TRIP12: variants seen among roughly 807,000 people sequenced by gnomAD.
The protein encoded by TRIP12 is thyroid hormone receptor interactor 12.
In TRIP12, 25 loss-of-function variants were observed where a neutral mutation model predicts 244.2. The observed-to-expected ratio is 0.10, with a 90% CI of 0.07 to 0.14. The LOEUF is 0.14. TRIP12 is among the 10% of genes least tolerant of loss of function. The pLI is 1.00. For missense variants in TRIP12, 1,677 were observed against 2,486.4 expected, an observed-to-expected ratio of 0.67 and a Z score of 6.92; for synonymous variants, 905 against 873.1, an observed-to-expected ratio of 1.04 and a Z score of -0.64.
intron 38 of TRIP12, among the ~76,000 whole-genome samples, chr2:229,772,024 T>C (rs892826767): frequency 1.3e-5 from 2 of 152,216 alleles, no homozygotes; most frequent in Non-Finnish European, 2.9e-5. Flanking sequence ...CTATTAAGGG[T>C]TTTTAATTTT....
intron 9 of TRIP12, among the ~76,000 whole-genome samples, chr2:229,817,566 G>T (rs1437679116): frequency 7.2e-5 from 11 of 152,196 alleles, no homozygotes; most frequent in South Asian, 6.2e-4. Flanking sequence ...GCATTAAAAA[G>T]ATTTTTTAAA....
At position 229,792,865 on chromosome 2, in the gene TRIP12, T is replaced by C. The variant is rs923459790; in HGVS notation, c.4141+108A>G. 8 of 1,214,558 alleles carry C rather than the reference T, an allele frequency of 6.6e-6. No homozygotes were observed. In the South Asian group the frequency reaches 9.5e-5, roughly 14 times the overall value. The allele number at this position is 1,214,558 out of a possible 1,614,324, so 75.2% of individuals were successfully genotyped here. ...CAGGAATATAAGTTCCTGCCATCTA[T>C]TTTTTAACAGAAACAACATTAAACA... On this transcript the variant is annotated intron_variant, in intron 27 of 41. Coordinates refer to ENST00000675903, the MANE Select transcript of TRIP12 (RefSeq NM_001348323.3).
intron 33 of TRIP12, among the ~76,000 whole-genome samples, chr2:229,786,966 G>A (rs1048492146): frequency 6.6e-6 from 1 of 152,192 alleles, no homozygotes; most frequent in Non-Finnish European, 1.5e-5. Context: ...ACTGGAAATG[G>A]CTCAGGGCCC....
chr2:229,887,252 G>A (rs2066222951), intron 1 of TRIP12, among the ~76,000 whole-genome samples: 1 of 152,294 alleles, frequency 6.6e-6, no homozygotes, highest in Non-Finnish European at 1.5e-5. Context: ...AAGATCAAAT[G>A]TACTACTCTA....
chr2:229,848,378 C>T (rs2058020949), intron 4 of TRIP12, among the ~76,000 whole-genome samples: 1 of 133,022 alleles, frequency 7.5e-6, no homozygotes, highest in Non-Finnish European at 1.5e-5. Context: ...GAAAACTCAC[C>T]ATTAATGTCA....
chr2:229,905,556 T>C (rs1320460733), intron 1 of TRIP12, among the ~76,000 whole-genome samples: 1 of 152,146 alleles, frequency 6.6e-6, no homozygotes, highest in African/African-American at 2.4e-5. Flanking sequence ...TCTTCAAAAA[T>C]AACAAAAGCA....
At chr2:229,911,006 G>A (rs1388397276) in intron 1 of TRIP12, among the ~76,000 whole-genome samples, 1 of 152,180 alleles carries the variant, frequency 6.6e-6, no homozygotes, top group Non-Finnish European at 1.5e-5. Context: ...GTAGAGAGCA[G>A]GGTCAAATTC....
At chr2:229,830,625 T>G in intron 7 of TRIP12, 131 bp downstream of exon 7, 2 of 720,824 alleles carry the variant, frequency 2.8e-6, no homozygotes, top group South Asian at 3.2e-5. Flanking sequence ...ACTAAAAATT[T>G]TTTTTTCTTG....
chr2:229,804,368 T>A, intron 18 of TRIP12, 141 bp from the exon 19 acceptor site: 1 of 683,998 alleles, frequency 1.5e-6, no homozygotes, highest in Non-Finnish European at 2.4e-6. Context: ...TGAACTTCTA[T>A]GATATGATCA....
intron 40 of TRIP12, 40 bp from the exon 41 acceptor site, chr2:229,768,759 TTAAAA>T (rs751942029): frequency 1.3e-6 from 2 of 1,559,162 alleles, no homozygotes; most frequent in Non-Finnish European, 8.7e-7. Flanking sequence ...TTTCATCAGG[TTAAAA>T]TAGAGTTTTA....
chr2:229,920,113 T>G (rs1029394811), intron 1 of TRIP12, among the ~76,000 whole-genome samples: 1 of 152,216 alleles, frequency 6.6e-6, no homozygotes, highest in Non-Finnish European at 1.5e-5. Context: ...TACAGGCCTC[T>G]TGCCTTTTTT....
In TRIP12 at chr2:229,778,818, C is replaced by CA. The variant is rs2037151352; in HGVS notation, c.5209+57dup. On this transcript the variant is annotated intron_variant, in intron 35 of 41. Transcript: ENST00000675903. This position sits in a 1 kb window ranked among gnomAD's most constrained non-coding sequence, Gnocchi z 4.1. ...AAATTAAATATGTCTAATAAACTGT[C>CA]AGAGTCCATTACCTGATCTGAGTAA... 4 of 1,482,096 alleles carry CA rather than the reference C, an allele frequency of 2.7e-6. No homozygotes were observed. The highest frequency in any genetic ancestry group is 3.5e-5 in the Admixed American group (2 of 57,910). The allele number at this position is 1,482,096 out of a possible 1,614,324, so 91.8% of individuals were successfully genotyped here. A position where few individuals can be genotyped will look rare whatever the true frequency, so the allele number is the denominator to read the frequency against.
intron 1 of TRIP12, chr2:229,921,345 C>T (rs529590374): frequency 6.5e-6 from 1 of 152,858 alleles, no homozygotes; most frequent in Non-Finnish European, 1.5e-5. Flanking sequence ...GGAGCTGCTT[C>T]CTAGTTTCCA....
At chr2:229,861,107 T>C (rs1018583674) in intron 2 of TRIP12, among the ~76,000 whole-genome samples, 7 of 152,218 alleles carry the variant, frequency 4.6e-5, no homozygotes, top group Non-Finnish European at 1.0e-4. Context: ...AACATAGTGA[T>C]ACTTGCTAAA....
At chr2:229,892,661 T>G (rs1446783399) in intron 1 of TRIP12, among the ~76,000 whole-genome samples, 1 of 151,784 alleles carries the variant, frequency 6.6e-6, no homozygotes, top group African/African-American at 2.4e-5. Flanking sequence ...TTGAGCGGAG[T>G]TTGAGACCAG....
At chr2:229,811,261 T>A (rs763387145) in intron 13 of TRIP12, 57 bp from the exon 14 acceptor site, 22 of 1,518,700 alleles carry the variant, frequency 1.4e-5, no homozygotes, top group Non-Finnish European at 2.0e-5. Context: ...TTCACTGTCA[T>A]GTATCACTAC....
chr2:229,791,831 T>A (rs771357128), intron 29 of TRIP12, 35 bp downstream of exon 29: 1 of 1,603,082 alleles, frequency 6.2e-7, no homozygotes, highest in South Asian at 1.1e-5. Context: ...TTTCAAAGTT[T>A]ATGAAAAAAC....
At chr2:229,803,948 C>T in intron 19 of TRIP12, 51 bp downstream of exon 19, 2 of 1,474,494 alleles carry the variant, frequency 1.4e-6, no homozygotes, top group Non-Finnish European at 1.8e-6. Context: ...TCTGAAATTA[C>T]TTGCAGAGAT....
chr2:229,811,106 T>C (rs756314848), intron 14 of TRIP12, 30 bp downstream of exon 14: 1 of 1,613,684 alleles, frequency 6.2e-7, no homozygotes. Context: ...AACAACCTCA[T>C]AAAAATACTA....
Sources: allele counts gnomAD v4.1 joint callset (sites outside exome capture counted in the v4.1 genomes callset), GRCh38; gene constraint gnomAD v4.1.1; non-coding constraint Gnocchi (gnomAD v3.1); transcripts MANE v1.5; gene names NCBI Gene and HGNC (gene_info 2026-07-23, HGNC 2026-07-21).